Variants in NELL1 observed in about 807,000 individuals in gnomAD.
NELL1 encodes the protein protein kinase C-binding protein NELL1.
NELL1 carries 76 observed loss-of-function variants against 107.4 expected under a neutral mutation model. The observed-to-expected ratio is 0.71, with a 90% CI of 0.59 to 0.86. NELL1 has a LOEUF of 0.86. Ranked by LOEUF, NELL1 falls within the 40% of genes least tolerant of loss-of-function variation. NELL1 has a pLI of 0.00. For synonymous variants in NELL1, 353 were observed against 341.2 expected (o/e 1.03, Z -0.38); for missense variants, 1,024 against 1,005.5 (o/e 1.02, Z -0.25).
chr11:20,941,049 G>T (rs1054536588), intron 10 of NELL1, among the ~76,000 whole-genome samples: 1 of 152,144 alleles, frequency 6.6e-6, no homozygotes, highest in African/African-American at 2.4e-5. Flanking sequence ...AGAGGCAGGA[G>T]AATTGCTTGA....
intron 4 of NELL1, among the ~76,000 whole-genome samples, chr11:20,873,765 G>C (rs1849248473): frequency 7.1e-6 from 1 of 140,094 alleles, no homozygotes; most frequent in South Asian, 2.2e-4. Flanking sequence ...TTGAATATTT[G>C]ACTTTTTTTT....
intron 14 of NELL1, among the ~76,000 whole-genome samples, chr11:21,340,632 C>CAT (rs1186456136): frequency 2.8e-5 from 4 of 143,958 alleles, no homozygotes; most frequent in Non-Finnish European, 4.6e-5. Context: ...CACACACACA[C>CAT]ACACACACAC....
At chr11:20,977,776 A>G (rs1851668088) in intron 12 of NELL1, among the ~76,000 whole-genome samples, 1 of 152,214 alleles carries the variant, frequency 6.6e-6, no homozygotes, top group Admixed American at 6.5e-5. Context: ...TTGGTAAATA[A>G]TTGTTGAGTG....
chr11:20,893,370 T>G (rs1272382505), intron 5 of NELL1, among the ~76,000 whole-genome samples: 4 of 16,594 alleles, frequency 2.4e-4, no homozygotes, highest in Non-Finnish European at 1.2e-3. Context: ...GTATCCCGTG[T>G]TTTTTTTTTT....
chr11:20,870,613 A>G (rs1849178382), intron 4 of NELL1, among the ~76,000 whole-genome samples: 1 of 152,152 alleles, frequency 6.6e-6, no homozygotes, highest in Non-Finnish European at 1.5e-5. Context: ...TTTGAAAAGG[A>G]TTTGGAACTT....
At chr11:21,037,000 G>A (rs1166949349) in intron 12 of NELL1, among the ~76,000 whole-genome samples, 1 of 151,534 alleles carries the variant, frequency 6.6e-6, no homozygotes, top group Non-Finnish European at 1.5e-5. Flanking sequence ...TATTCATCTA[G>A]TAGTAATTTT....
At chr11:21,456,966 C>A (rs59415770) in intron 15 of NELL1, among the ~76,000 whole-genome samples, 3,834 of 150,494 alleles carry the variant, frequency 0.025, 170 homozygotes, top group African/African-American at 0.088. Context: ...ATTCTATATC[C>A]CTTAAGAAAT....
chr11:21,182,748 G>A (rs1590712023), intron 13 of NELL1, among the ~76,000 whole-genome samples: 1 of 151,654 alleles, frequency 6.6e-6, no homozygotes, highest in East Asian at 1.9e-4. Context: ...TAGAAAAATG[G>A]TATAATAGGA....
At chr11:20,673,236 G>T (rs574415871) in intron 1 of NELL1, among the ~76,000 whole-genome samples, 2 of 152,194 alleles carry the variant, frequency 1.3e-5, no homozygotes, top group South Asian at 4.1e-4. Flanking sequence ...GTGAACATGA[G>T]CCCCCAGCCT....
intron 14 of NELL1, among the ~76,000 whole-genome samples, chr11:21,255,909 T>A (rs1858756364): frequency 6.6e-6 from 1 of 152,044 alleles, no homozygotes; most frequent in Non-Finnish European, 1.5e-5. Context: ...GTTTCAACTT[T>A]TTAAGAAAAT....
At chr11:21,112,967 C>T (rs532486674) in intron 12 of NELL1, among the ~76,000 whole-genome samples, 1 of 152,122 alleles carries the variant, frequency 6.6e-6, no homozygotes, top group South Asian at 2.1e-4. Context: ...GCAGGTGATG[C>T]TCTGAACTCC....
At position 21,280,903 on chromosome 11, in the gene NELL1, C is replaced by T. The variant is rs552190113; in HGVS notation, c.1549+51449C>T. Among the ~76,000 whole-genome samples, 44 of 152,180 alleles carry T rather than the reference C, an allele frequency of 2.9e-4. No individual in the cohort carries two copies. The South Asian group carries it at 8.7e-3, about 30-fold the overall frequency. On this transcript the variant is annotated intron_variant, in intron 14 of 19. Transcript: ENST00000357134. ...GGCCACAGGGATTACAACTCCTAGG[C>T]ATGTCCTAGTCCTGAACTGGACTCA...
chr11:21,475,625 C>T (rs998166661), intron 15 of NELL1, among the ~76,000 whole-genome samples: 2 of 152,142 alleles, frequency 1.3e-5, no homozygotes, highest in Admixed American at 6.6e-5. Flanking sequence ...ATGAATGGGT[C>T]ATGTAGAGCA....
chr11:21,004,625 G>A (rs1565010309), intron 12 of NELL1, among the ~76,000 whole-genome samples: 1 of 152,086 alleles, frequency 6.6e-6, no homozygotes, highest in Non-Finnish European at 1.5e-5. Context: ...GATTAAGTGA[G>A]ATAAGAGTAA....
At chr11:21,031,270 T>C (rs1000223012) in intron 12 of NELL1, among the ~76,000 whole-genome samples, 6 of 152,264 alleles carry the variant, frequency 3.9e-5, no homozygotes, top group Non-Finnish European at 7.3e-5. Flanking sequence ...GTGAACATCC[T>C]TGTATATAAA....
intron 13 of NELL1, among the ~76,000 whole-genome samples, chr11:21,157,299 C>G (rs1020026792): frequency 6.6e-5 from 10 of 151,996 alleles, no homozygotes; most frequent in Non-Finnish European, 1.5e-4. Flanking sequence ...ATCTGATTAT[C>G]TCTACAGTAT....
At chr11:20,764,420 T>C (rs1856488387) in intron 2 of NELL1, among the ~76,000 whole-genome samples, 1 of 152,110 alleles carries the variant, frequency 6.6e-6, no homozygotes, top group South Asian at 2.1e-4. Flanking sequence ...TGAGTAACAC[T>C]GGGAGCTACA....
chr11:21,415,486 A>G (rs17233325), intron 15 of NELL1, among the ~76,000 whole-genome samples: 23,721 of 152,124 alleles, frequency 0.16, 2,320 homozygotes, highest in Non-Finnish European at 0.22. Context: ...ATCTGTATGC[A>G]TCTAGATTAA....
intron 2 of NELL1, among the ~76,000 whole-genome samples, chr11:20,679,283 A>G (rs1854135583): frequency 1.3e-5 from 2 of 152,206 alleles, no homozygotes; most frequent in Admixed American, 6.5e-5. Flanking sequence ...AGAGGTTTAA[A>G]CAGGGAAATG....
Sources: gnomAD v4.1 joint callset for allele counts (sites outside exome capture counted in the v4.1 genomes callset) on GRCh38, gnomAD v4.1.1 for gene constraint, MANE v1.5 for transcripts, NCBI Gene and HGNC (gene_info 2026-07-23, HGNC 2026-07-21) for gene names.